The following IL1RAPL2 variants were observed in gnomAD, a reference collection of about 807,000 sequenced individuals.
The protein encoded by IL1RAPL2 is X-linked interleukin-1 receptor accessory protein-like 2.
In IL1RAPL2, 3 loss-of-function variants were observed where a neutral mutation model predicts 44.1. That is an observed-to-expected ratio of 0.07 (90% confidence interval 0.03 to 0.18). The LOEUF (loss-of-function observed/expected upper bound fraction) is 0.18, where lower values mean the gene tolerates loss of function less well. IL1RAPL2 is among the 10% of genes least tolerant of loss of function. The pLI, the probability that IL1RAPL2 is intolerant of heterozygous loss-of-function variation, is 1.00. For synonymous variants in IL1RAPL2, 181 were observed against 178.8 expected, an observed-to-expected ratio of 1.01 and a Z score of -0.10; for missense variants, 391 against 496.4, an observed-to-expected ratio of 0.79 and a Z score of 2.02.
chrX:104,916,071 T>C (rs1323606572), intron 2 of IL1RAPL2, among the ~76,000 whole-genome samples: 4 of 111,810 alleles, frequency 3.6e-5, no homozygotes, highest in East Asian at 2.8e-4. Flanking sequence ...TGTTTCCATA[T>C]GAACTTTAAA....
chrX:105,305,749 T>C (rs2034731742), intron 5 of IL1RAPL2, among the ~76,000 whole-genome samples: 1 of 111,528 alleles, frequency 9.0e-6, no homozygotes, highest in Admixed American at 9.6e-5. Context: ...CACTGGAGGG[T>C]AAATAATTTA....
At chrX:105,742,411 T>C (rs1339397082) in intron 8 of IL1RAPL2, among the ~76,000 whole-genome samples, 2 of 111,579 alleles carry the variant, frequency 1.8e-5, no homozygotes, top group African/African-American at 6.5e-5. Flanking sequence ...GGGTGTCTTA[T>C]CAATCAGCCC....
chrX:104,739,594 C>T (rs1054323107), intron 2 of IL1RAPL2, among the ~76,000 whole-genome samples: 1 of 111,769 alleles, frequency 8.9e-6, no homozygotes, highest in African/African-American at 3.3e-5. Flanking sequence ...ATATGGATTG[C>T]TCCCCAGTGA....
At chrX:104,652,311 A>G (rs1407464079) in intron 1 of IL1RAPL2, among the ~76,000 whole-genome samples, 1 of 111,633 alleles carries the variant, frequency 9.0e-6, no homozygotes, top group Non-Finnish European at 1.9e-5. Context: ...GAAATATGGT[A>G]CCTCTCAGAT....
intron 6 of IL1RAPL2, among the ~76,000 whole-genome samples, chrX:105,552,318 T>C (rs1314553667): frequency 8.9e-6 from 1 of 111,979 alleles, no homozygotes; most frequent in Non-Finnish European, 1.9e-5. Context: ...TTAATAAATA[T>C]ATGTTAAGTC....
chrX:105,112,543 A>T (rs2147566492), intron 2 of IL1RAPL2, among the ~76,000 whole-genome samples: 1 of 112,910 alleles, frequency 8.9e-6, no homozygotes, highest in African/African-American at 3.2e-5. Context: ...TAAAGGTATT[A>T]TATAGAAAAA....
In IL1RAPL2 at chrX:105,119,181, C is replaced by CT. The variant is rs1013726935; in HGVS notation, c.83-76285dup. Reference sequence around the variant, plus strand: ...TCTCTTGTTGGAAAGAACTTAGATACTTTTTTTTTAATGAGGGAGCAAGCA... The same window carrying CT: ...TCTCTTGTTGGAAAGAACTTAGATACTTTTTTTTTTAATGAGGGAGCAAGCA... On this transcript the variant is annotated intron_variant, in intron 2 of 10. Transcript: ENST00000372582. Among the ~76,000 whole-genome samples, 11 of 109,193 alleles carry CT rather than the reference C, an allele frequency of 1.0e-4. No homozygotes were observed. The East Asian group carries it at 1.4e-3, about 14-fold the overall frequency. 94.8% of individuals were successfully genotyped at this position (109,193 alleles called of 115,157 possible). A position where few individuals can be genotyped will look rare whatever the true frequency, so the allele number is the denominator to read the frequency against.
chrX:105,006,603 G>A (rs1366523220), intron 2 of IL1RAPL2, among the ~76,000 whole-genome samples: 1 of 110,847 alleles, frequency 9.0e-6, no homozygotes, highest in East Asian at 2.9e-4. Context: ...CTCTACTGAA[G>A]AAATCAAATG....
intron 5 of IL1RAPL2, among the ~76,000 whole-genome samples, chrX:105,437,283 T>C (rs894450712): frequency 9.1e-6 from 1 of 110,297 alleles, no homozygotes; most frequent in Middle Eastern, 4.2e-3. Context: ...TCTTTTTTAT[T>C]CTTATTAATA....
At chrX:105,500,892 T>A (rs772326676) in intron 6 of IL1RAPL2, among the ~76,000 whole-genome samples, 3 of 111,882 alleles carry the variant, frequency 2.7e-5, no homozygotes, top group African/African-American at 9.7e-5. Flanking sequence ...CACTTCCCAA[T>A]GATACCTTTC....
intron 2 of IL1RAPL2, among the ~76,000 whole-genome samples, chrX:104,727,350 A>T (rs1167131535): frequency 1.8e-5 from 2 of 111,411 alleles, no homozygotes; most frequent in Non-Finnish European, 3.8e-5. Flanking sequence ...ATCATCACTA[A>T]TAATCAGAAA....
chrX:105,330,562 A>C (rs1279570404), intron 5 of IL1RAPL2, among the ~76,000 whole-genome samples: 2 of 111,507 alleles, frequency 1.8e-5, no homozygotes, highest in African/African-American at 6.5e-5. Flanking sequence ...GTCCAGAACA[A>C]AATTCACCAT....
intron 2 of IL1RAPL2, among the ~76,000 whole-genome samples, chrX:105,094,131 A>G (rs774759028): frequency 1.8e-5 from 2 of 111,573 alleles, no homozygotes; most frequent in Non-Finnish European, 3.8e-5. Flanking sequence ...TATGGGGTCA[A>G]TACATTCAGG....
intron 2 of IL1RAPL2, among the ~76,000 whole-genome samples, chrX:104,775,334 G>A (rs1417074666): frequency 9.0e-6 from 1 of 111,637 alleles, no homozygotes; most frequent in Non-Finnish European, 1.9e-5. Flanking sequence ...ACACACAGGG[G>A]AGTTGCGTTT....
At chrX:105,330,830 C>T in intron 5 of IL1RAPL2, among the ~76,000 whole-genome samples, 1 of 111,034 alleles carries the variant, frequency 9.0e-6, no homozygotes, top group Non-Finnish European at 1.9e-5. Flanking sequence ...TTATAGTAGC[C>T]TCCTATCTAG....
chrX:105,530,611 A>G lies in IL1RAPL2; in HGVS notation c.772+46224A>G, dbSNP rs192247552. ...AAACAATTTATTTACACTCTTAGAT[A>G]TTTTAAAATATACAATTAAGTTATT... On this transcript the variant is annotated intron_variant, in intron 6 of 10. Coordinates refer to ENST00000372582, the MANE Select transcript of IL1RAPL2 (RefSeq NM_017416.2). 1.6e-3 allele frequency among the ~76,000 whole-genome samples: 180 copies of G among 110,800 alleles called. 2 individuals carry two copies. Among genetic ancestry groups the G allele is most frequent in the African/African-American group, 5.7e-3 (175 of 30,496 alleles).
intron 5 of IL1RAPL2, among the ~76,000 whole-genome samples, chrX:105,450,308 G>A (rs2036010635): frequency 9.0e-6 from 1 of 111,281 alleles, no homozygotes. Flanking sequence ...TACCTCTTTT[G>A]GTGATATTAA....
chrX:104,869,434 A>G (rs979899648), intron 2 of IL1RAPL2, among the ~76,000 whole-genome samples: 13 of 111,835 alleles, frequency 1.2e-4, no homozygotes, highest in Non-Finnish European at 1.9e-4. Context: ...GTCTTAATAT[A>G]TATTTTAATA....
intron 2 of IL1RAPL2, among the ~76,000 whole-genome samples, chrX:104,761,245 G>A (rs1471056976): frequency 2.7e-5 from 3 of 111,294 alleles, no homozygotes; most frequent in Non-Finnish European, 5.7e-5. Flanking sequence ...ATGGTGGAAG[G>A]GGAAGCAAAC....
Sources: allele counts gnomAD v4.1 joint callset (sites outside exome capture counted in the v4.1 genomes callset), GRCh38; gene constraint gnomAD v4.1.1; transcripts MANE v1.5; gene names NCBI Gene and HGNC (gene_info 2026-07-23, HGNC 2026-07-21).